IL34: variants seen among roughly 807,000 people sequenced by gnomAD.
IL34 encodes interleukin 34.
IL34 carries 17 observed loss-of-function variants against 25.3 expected under a neutral mutation model. The ratio of observed to expected loss-of-function variants is 0.67; its 90% confidence interval spans 0.46 to 1.01. The LOEUF (loss-of-function observed/expected upper bound fraction) is 1.01. Among genes scored for constraint, IL34 ranks in the 50% least tolerant of loss-of-function variants. IL34 has a pLI of 0.00. For missense variants in IL34, 368 were observed against 312.9 expected, an observed-to-expected ratio of 1.18 and a Z score of -1.33; for synonymous variants, 174 against 140.9, an observed-to-expected ratio of 1.23 and a Z score of -1.66.
At chr16:70,632,898 A>G (rs955748263) in intron 1 of IL34, among the ~76,000 whole-genome samples, 2 of 152,180 alleles carry the variant, frequency 1.3e-5, no homozygotes, top group African/African-American at 2.4e-5. Context: ...GTTTCCAACC[A>G]GCAATTTTCT....
intron 5 of IL34, 92 bp from the exon 6 acceptor site, chr16:70,659,905 G>A (rs536404677): frequency 1.4e-6 from 2 of 1,478,504 alleles, no homozygotes; most frequent in South Asian, 2.7e-5. Flanking sequence ...GCCCTGGGTA[G>A]AGTGGGGGAC....
At chr16:70,626,474 G>A (rs1401110353) in intron 1 of IL34, among the ~76,000 whole-genome samples, 4 of 152,078 alleles carry the variant, frequency 2.6e-5, no homozygotes, top group Non-Finnish European at 5.9e-5. Context: ...CTGGCTCACT[G>A]CAACCTCTGC....
intron 1 of IL34, among the ~76,000 whole-genome samples, chr16:70,610,209 A>G (rs1326162207): frequency 6.6e-6 from 1 of 152,036 alleles, no homozygotes; most frequent in Non-Finnish European, 1.5e-5. Context: ...CTCAGAAAAA[A>G]AAAAAAAAAA....
chr16:70,627,097 G>T (rs577332132), intron 1 of IL34, among the ~76,000 whole-genome samples: 141 of 152,112 alleles, frequency 9.3e-4, no homozygotes, highest in South Asian at 3.5e-3. Flanking sequence ...CAAAGTGCTG[G>T]GATTACAGGC....
At chr16:70,605,211 A>G (rs1463436) in intron 1 of IL34, among the ~76,000 whole-genome samples, 66,117 of 151,952 alleles carry the variant, frequency 0.44, 14,901 homozygotes, top group South Asian at 0.65. Context: ...TGTCTGTCCT[A>G]TGAGAAGAAA....
chr16:70,607,474 A>T (rs533323000), intron 1 of IL34, among the ~76,000 whole-genome samples: 1 of 152,256 alleles, frequency 6.6e-6, no homozygotes, highest in East Asian at 1.9e-4. Context: ...TCCAATATGC[A>T]TCCCTCCCCC....
intron 1 of IL34, among the ~76,000 whole-genome samples, chr16:70,622,850 C>T (rs2051310827): frequency 1.3e-5 from 2 of 151,964 alleles, no homozygotes; most frequent in Non-Finnish European, 2.9e-5. Context: ...TTTTTAGGGC[C>T]TCTAAAAGTA....
chr16:70,607,339 C>T (rs1185242304), intron 1 of IL34, among the ~76,000 whole-genome samples: 1 of 152,172 alleles, frequency 6.6e-6, no homozygotes, highest in Non-Finnish European at 1.5e-5. Flanking sequence ...GTCCTGACCT[C>T]GTGATCCGCC....
upstream of IL34, among the ~76,000 whole-genome samples, chr16:70,643,088 G>A (rs1340114311): frequency 6.6e-6 from 1 of 151,978 alleles, no homozygotes; most frequent in African/African-American, 2.4e-5. Context: ...TTTTGAGACG[G>A]ATCTCACTCT....
At chr16:70,645,735 T>C (rs1187256622), upstream of IL34, among the ~76,000 whole-genome samples, 1 of 152,168 alleles carries the variant, frequency 6.6e-6, no homozygotes, top group Non-Finnish European at 1.5e-5. Flanking sequence ...CATGAGATTG[T>C]TGTGAGAGAT....
At chr16:70,587,151 C>T (rs781654146) in intron 1 of IL34, among the ~76,000 whole-genome samples, 1 of 152,148 alleles carries the variant, frequency 6.6e-6, no homozygotes, top group Non-Finnish European at 1.5e-5. Flanking sequence ...CCTAGCCAGG[C>T]CCTGGGTGGA....
At chr16:70,587,490 C>G (rs1469369348) in intron 1 of IL34, among the ~76,000 whole-genome samples, 1 of 151,876 alleles carries the variant, frequency 6.6e-6, no homozygotes, top group Non-Finnish European at 1.5e-5. Context: ...CCAGGATGAT[C>G]TTGATCTTCT....
intron 1 of IL34, among the ~76,000 whole-genome samples, chr16:70,629,958 T>C (rs2151848844): frequency 7.0e-6 from 1 of 142,602 alleles, no homozygotes; most frequent in South Asian, 2.1e-4. Context: ...ATTCATTCTG[T>C]CTATGTTTTT....
intron 4 of IL34, 84 bp downstream of exon 4, chr16:70,657,205 T>A: frequency 7.1e-7 from 1 of 1,418,116 alleles, no homozygotes; most frequent in Admixed American, 1.9e-5. Flanking sequence ...CAAAGGCTAG[T>A]GAGGGAAAGG....
In IL34 at chr16:70,623,052, A is replaced by G. The variant is rs117879420; in HGVS notation, c.-400-23496A>G. Among the ~76,000 whole-genome samples, 918 of 152,144 alleles carry G rather than the reference A, an allele frequency of 6.0e-3. 39 individuals are homozygous for G. The East Asian group carries it at 0.087, about 14-fold the overall frequency. ...AGGTTTGGGGGATTAATCGGACACG[A>G]GCAGCAGGGGGAGCACCTGTGTTTT... is the stretch of plus-strand genomic sequence containing the variant. On this transcript the variant is annotated intron_variant, in intron 1 of 6. Transcript: ENST00000429149.
At chr16:70,597,470 C>T (rs1344271461) in intron 1 of IL34, among the ~76,000 whole-genome samples, 1 of 152,132 alleles carries the variant, frequency 6.6e-6, no homozygotes, top group Non-Finnish European at 1.5e-5. Context: ...ATCCTTCTGC[C>T]TTGGTCTCCC....
At chr16:70,658,803 C>T (rs1432212371) in intron 4 of IL34, among the ~76,000 whole-genome samples, 1 of 152,170 alleles carries the variant, frequency 6.6e-6, no homozygotes, top group Non-Finnish European at 1.5e-5. Context: ...TGCCCTGTTT[C>T]CATGTCTGTC....
chr16:70,627,459 C>G (rs962319330), intron 1 of IL34, among the ~76,000 whole-genome samples: 2 of 135,226 alleles, frequency 1.5e-5, no homozygotes, highest in Non-Finnish European at 3.0e-5. Flanking sequence ...CCTCCCCCTC[C>G]TCCCCCTTCC....
chr16:70,638,635 G>A (rs963248015), intron 1 of IL34, among the ~76,000 whole-genome samples: 2 of 151,848 alleles, frequency 1.3e-5, no homozygotes, highest in Non-Finnish European at 2.9e-5. Context: ...GCCTTTCTCT[G>A]TCACCCGGGC....
Sources: gnomAD v4.1 joint callset for allele counts (sites outside exome capture counted in the v4.1 genomes callset) on GRCh38, gnomAD v4.1.1 for gene constraint, MANE v1.5 for transcripts, NCBI Gene and HGNC (gene_info 2026-07-23, HGNC 2026-07-21) for gene names.